The following TGFBR2 variants were observed in gnomAD, a reference collection of about 807,000 sequenced individuals.
The protein encoded by TGFBR2 is TGF-beta receptor type-2.
A neutral mutation model predicts 49.0 loss-of-function variants in TGFBR2; 18 were observed. The observed-to-expected ratio is 0.37, with a 90% CI of 0.25 to 0.54. The LOEUF (loss-of-function observed/expected upper bound fraction) is 0.54, where lower values mean the gene tolerates loss of function less well. TGFBR2 is among the 20% of genes least tolerant of loss of function. The probability of loss-of-function intolerance (pLI) is 0.85; values close to 1 mark genes in which losing one functional copy is unlikely to be tolerated. For synonymous variants in TGFBR2, 282 were observed against 275.9 expected (o/e 1.02, Z -0.22); for missense variants, 525 against 722.6 (o/e 0.73, Z 3.13).
At chr3:30,647,027 A>AT (rs1476300127) in intron 2 of TGFBR2, among the ~76,000 whole-genome samples, 1 of 152,160 alleles carries the variant, frequency 6.6e-6, no homozygotes, top group East Asian at 1.9e-4. Flanking sequence ...CCGTGAAGCC[A>AT]GGGGTGTTGA....
At chr3:30,623,000 G>C (rs1056673842) in intron 1 of TGFBR2, among the ~76,000 whole-genome samples, 3 of 151,832 alleles carry the variant, frequency 2.0e-5, no homozygotes, top group African/African-American at 4.8e-5. Context: ...TGAGACATAT[G>C]GGTGAAAGAT....
intron 1 of TGFBR2, among the ~76,000 whole-genome samples, chr3:30,624,619 G>GAAA (rs372402705): frequency 7.1e-6 from 1 of 140,762 alleles, no homozygotes; most frequent in Non-Finnish European, 1.6e-5. Flanking sequence ...CGTCTCAAAG[G>GAAA]AAAAAAAAAA....
At position 30,650,329 on chromosome 3, in the gene TGFBR2, AC is replaced by A; in HGVS notation, c.325del (p.His109MetfsTer15). 1 of 1,613,974 alleles carries A rather than the reference AC, an allele frequency of 6.2e-7. No homozygotes were observed. The highest frequency in any genetic ancestry group is 8.5e-7 in the Non-Finnish European group (1 of 1,179,958). On this transcript the variant is annotated frameshift_variant, in exon 3 of 7. Transcript: ENST00000295754. LOFTEE classifies it high-confidence loss of function. ...ETVCHDPKLP[Y>X]HDFILEDAAS... is the part of the protein sequence containing the mutation. Reference sequence around the variant, plus strand: ...GTTTGCCATGACCCCAAGCTCCCCTACCATGACTTTATTCTGGAAGATGCTG... The same window carrying A: ...GTTTGCCATGACCCCAAGCTCCCCTACATGACTTTATTCTGGAAGATGCTG...
chr3:30,639,860 G>T (rs1485557408), intron 1 of TGFBR2, among the ~76,000 whole-genome samples: 1 of 152,186 alleles, frequency 6.6e-6, no homozygotes, highest in Non-Finnish European at 1.5e-5. Flanking sequence ...AGTGTTTATG[G>T]TTATTGTTAA....
At chr3:30,623,944 C>T (rs1290146953) in intron 1 of TGFBR2, among the ~76,000 whole-genome samples, 1 of 152,096 alleles carries the variant, frequency 6.6e-6, no homozygotes, top group African/African-American at 2.4e-5. Context: ...GAGTTCAAGA[C>T]CAGCCTGACC....
At chr3:30,650,544 T>G in intron 3 of TGFBR2, 84 bp downstream of exon 3, 1 of 1,408,138 alleles carries the variant, frequency 7.1e-7, no homozygotes, top group Non-Finnish European at 1.0e-6. Flanking sequence ...ATAGAGCACA[T>G]TCCTCCTGTG....
chr3:30,682,216 G>C (rs369404116), intron 5 of TGFBR2, among the ~76,000 whole-genome samples: 16 of 152,326 alleles, frequency 1.1e-4, no homozygotes, highest in African/African-American at 3.6e-4. Context: ...ATTGTAGGGG[G>C]CATATGTGAC....
rs572574046 is a variant in TGFBR2 at position 30,665,557 on chromosome 3, C to T, written c.455-6081C>T. On this transcript the variant is annotated intron_variant, in intron 3 of 6. Coordinates refer to ENST00000295754, the MANE Select transcript of TGFBR2 (RefSeq NM_003242.6). Reference sequence around the variant, plus strand: ...GGGCTTCTCCTCAAATTCTACACTGCGGAGCTCCCTTCCCACTCCACAGAA... The same window carrying T: ...GGGCTTCTCCTCAAATTCTACACTGTGGAGCTCCCTTCCCACTCCACAGAA... Among the ~76,000 whole-genome samples, 8 of 152,330 alleles carry T rather than the reference C, an allele frequency of 5.3e-5. No homozygotes were observed. In the South Asian group the frequency reaches 1.0e-3, roughly 20 times the overall value.
At chr3:30,679,011 A>G (rs1186905133) in intron 5 of TGFBR2, among the ~76,000 whole-genome samples, 1 of 152,222 alleles carries the variant, frequency 6.6e-6, no homozygotes, top group Non-Finnish European at 1.5e-5. Flanking sequence ...ACTCATAAAC[A>G]TGGATATTAA....
At position 30,688,504 on chromosome 3, in the gene TGFBR2, A is replaced by G. The variant is rs780087626; in HGVS notation, c.1517A>G (p.Asn506Ser). 4.3e-6 allele frequency: 7 copies of G among 1,614,094 alleles called. No individual in the cohort carries two copies. In the East Asian group the frequency reaches 6.7e-5, roughly 15 times the overall value. ...GRPEIPSFWL[N>S]HQGIQMVCET... ...CCAGAAATTCCCAGCTTCTGGCTCA[A>G]CCACCAGGTAAGGAGTGAGTGTTTA... The change falls in exon 6 of 7, where the codon AAC (asparagine) becomes AGC (serine). Residue 506 changes from asparagine (N) to serine (S), a missense_variant. By Grantham distance (46) the Asn-to-Ser change is conservative. Transcript: ENST00000295754.
At chr3:30,674,339 C>A (rs1699395944) in intron 5 of TGFBR2, 93 bp downstream of exon 5, 8 of 1,514,180 alleles carry the variant, frequency 5.3e-6, no homozygotes, top group Non-Finnish European at 7.3e-6. Flanking sequence ...GGTTACAAAG[C>A]AGTTATTAGA....
rs1185194344 is a variant in TGFBR2, at chr3:30,622,907, G to T, written c.94+15930G>T. On this transcript the variant is annotated intron_variant, in intron 1 of 6. Transcript: ENST00000295754. Reference sequence around the variant, plus strand: ...AAAAAAAAAAAAAAAAAAAAAAAAAGAGAAAGGAAAAAGAAAAAGAAAAAG... The same window carrying T: ...AAAAAAAAAAAAAAAAAAAAAAAAATAGAAAGGAAAAAGAAAAAGAAAAAG... Among the ~76,000 whole-genome samples the T allele has an allele frequency of 3.6e-3, 406 of 112,146 alleles. 2 individuals are homozygous for T. Among genetic ancestry groups the T allele is most frequent in the African/African-American group, 0.013 (384 of 29,860 alleles). 73.6% of individuals were successfully genotyped at this position (112,146 alleles called of 152,430 possible).
intron 1 of TGFBR2, among the ~76,000 whole-genome samples, chr3:30,616,926 ATAT>A (rs1282810588): frequency 6.6e-6 from 1 of 152,154 alleles, no homozygotes; most frequent in Non-Finnish European, 1.5e-5. Context: ...TTTGGTGGTA[ATAT>A]TATTCCTCTT....
At chr3:30,664,954 T>G (rs373510807) in intron 3 of TGFBR2, among the ~76,000 whole-genome samples, 3 of 152,238 alleles carry the variant, frequency 2.0e-5, no homozygotes, top group African/African-American at 7.2e-5. Context: ...ATTCCTCCAC[T>G]CGGTAAAGGA....
Position 30,609,197 on chromosome 3 carries a change from A to G in TGFBR2, c.94+2220A>G, listed in dbSNP as rs187196944. On this transcript the variant is annotated intron_variant, in intron 1 of 6. Transcript: ENST00000295754. ...AATGAATCATTTTGAATTTGTATTCATTTGATTCAAATTAAATTTTCAAAG... is the reference window on the plus strand; with the variant it reads ...AATGAATCATTTTGAATTTGTATTCGTTTGATTCAAATTAAATTTTCAAAG... Among the ~76,000 whole-genome samples the G allele has an allele frequency of 1.4e-3, 215 of 152,338 alleles. 1 individual carries two copies. Among genetic ancestry groups the G allele is most frequent in the African/African-American group, 4.9e-3 (202 of 41,586 alleles).
chr3:30,638,533 A>T (rs952600689), intron 1 of TGFBR2, among the ~76,000 whole-genome samples: 2 of 152,186 alleles, frequency 1.3e-5, no homozygotes, highest in African/African-American at 4.8e-5. Context: ...TCTTCTCTCA[A>T]GGTATAATTA....
chr3:30,615,755 C>A (rs199517541), intron 1 of TGFBR2, among the ~76,000 whole-genome samples: 1 of 139,658 alleles, frequency 7.2e-6, no homozygotes, highest in Non-Finnish European at 1.6e-5. Flanking sequence ...AATTTTTTTT[C>A]CAGAGATGAG....
intron 5 of TGFBR2, among the ~76,000 whole-genome samples, chr3:30,675,587 G>A (rs780320489): frequency 5.3e-5 from 8 of 152,072 alleles, no homozygotes; most frequent in Admixed American, 1.3e-4. Flanking sequence ...GGGTTACACC[G>A]TGTTGATCAG....
Position 30,606,624 on chromosome 3 carries a change from AC to A in TGFBR2, c.-255del. 1 of 360,332 alleles carries A rather than the reference AC, an allele frequency of 2.8e-6. No individual in the cohort carries two copies. Among genetic ancestry groups the A allele is most frequent in the East Asian group, 3.8e-5 (1 of 26,000 alleles). The allele number at this position is 360,332 out of a possible 1,614,324, so 22.3% of individuals were successfully genotyped here. On this transcript the variant is annotated 5_prime_UTR_variant, in exon 1 of 7. Coordinates refer to ENST00000295754, the MANE Select transcript of TGFBR2 (RefSeq NM_003242.6). ...TCACTCGCGCGCACGGAGCGACGACACCCCCGCGCGTGCACCCGCTCGGGAC... is the reference window on the plus strand; with the variant it reads ...TCACTCGCGCGCACGGAGCGACGACACCCCGCGCGTGCACCCGCTCGGGAC...
Sources: allele counts gnomAD v4.1 joint callset (sites outside exome capture counted in the v4.1 genomes callset), GRCh38; gene constraint gnomAD v4.1.1; transcripts MANE v1.5; gene names NCBI Gene and HGNC (gene_info 2026-07-23, HGNC 2026-07-21).